TENM3: variants seen among roughly 807,000 people sequenced by gnomAD.
TENM3 encodes the protein teneurin transmembrane protein 3, also known as teneurin-3.
A neutral mutation model predicts 255.1 loss-of-function variants in TENM3; 63 were observed. The observed-to-expected ratio is 0.25, with a 90% CI of 0.20 to 0.30. TENM3 has a LOEUF of 0.30. Among genes scored for constraint, TENM3 ranks in the 10% least tolerant of loss-of-function variants. TENM3 has a pLI of 1.00. For synonymous variants in TENM3, 1,306 were observed against 1,322.3 expected, an observed-to-expected ratio of 0.99 and a Z score of 0.27; for missense variants, 2,929 against 3,461.1, an observed-to-expected ratio of 0.85 and a Z score of 3.86.
chr4:181,515,736 A>G, the TENM3 span, among the ~76,000 whole-genome samples: 2 of 152,194 alleles, frequency 1.3e-5, no homozygotes, highest in Non-Finnish European at 2.9e-5. Flanking sequence ...CTGCATCTCC[A>G]TTACCTCCTC....
Position 182,688,357 on chromosome 4 carries a change from C to A in TENM3, c.2221+6C>A. Reference sequence around the variant, plus strand: ...TGGAGAGCACTGCACTATCGGTAGGCTTACTGCAAGTCTGTGTCTGTCCCC... The same window carrying A: ...TGGAGAGCACTGCACTATCGGTAGGATTACTGCAAGTCTGTGTCTGTCCCC... On this transcript the variant is annotated splice_donor_region_variant and intron_variant, in intron 12 of 27. Coordinates refer to ENST00000511685, the MANE Select transcript of TENM3 (RefSeq NM_001080477.4). The A allele has an allele frequency of 6.3e-7, 1 of 1,583,444 alleles. No individual in the cohort carries two copies. The highest frequency in any genetic ancestry group is 8.6e-7 in the Non-Finnish European group (1 of 1,161,534).
At chr4:182,223,645 A>G (rs1469221696) in intron 1 of TENM3, among the ~76,000 whole-genome samples, 2 of 152,170 alleles carry the variant, frequency 1.3e-5, no homozygotes. Flanking sequence ...ACTGAGGCTC[A>G]GAGACATTAA....
At chr4:181,895,532 A>AT in the TENM3 span, among the ~76,000 whole-genome samples, 43 of 41,488 alleles carry the variant, frequency 1.0e-3, 2 homozygotes, top group African/African-American at 2.8e-3. Flanking sequence ...TATCTGGCTG[A>AT]TTTTTTTTTT....
intron 1 of TENM3, among the ~76,000 whole-genome samples, chr4:182,149,855 C>T (rs1750219159): frequency 6.6e-6 from 1 of 151,820 alleles, no homozygotes; most frequent in Non-Finnish European, 1.5e-5. Flanking sequence ...ACTATTTGAC[C>T]CACATTCATA....
At chr4:182,728,040 G>A (rs1263740715) in intron 13 of TENM3, among the ~76,000 whole-genome samples, 1 of 151,764 alleles carries the variant, frequency 6.6e-6, no homozygotes, top group African/African-American at 2.4e-5. Context: ...TTAGAGATGG[G>A]GTTTCACCAT....
the TENM3 span, among the ~76,000 whole-genome samples, chr4:181,702,304 A>T: frequency 0.027 from 4,039 of 152,280 alleles, 184 homozygotes; most frequent in African/African-American, 0.092. Flanking sequence ...CTTTGCTATT[A>T]CGATACATAA....
chr4:182,445,616 T>A (rs1027371166), intron 3 of TENM3, among the ~76,000 whole-genome samples: 4 of 152,256 alleles, frequency 2.6e-5, no homozygotes, highest in Admixed American at 2.0e-4. Context: ...TTTTTATTTT[T>A]TTTTTTAAAT....
rs757218648 is a variant in TENM3, at chr4:182,738,543, C to T, written c.3378C>T (p.Asn1126=). ...AACATCACGTGCTGGATGTACAGAA[C>T]GGTAAGCTCTTGTTCATAGATAACT... The part of the protein sequence containing the change: ...LDKHHVLDVQ[N]GILYKGNGEN... The change falls in exon 18 of 28, where the codon AAC becomes AAT. Residue 1126 remains asparagine, a splice_region_variant and synonymous_variant. Transcript: ENST00000511685. 1.7e-5 allele frequency: 28 copies of T among 1,608,294 alleles called. No individual in the cohort carries two copies. The highest frequency in any genetic ancestry group is 5.1e-5 in the Admixed American group (3 of 59,130).
chr4:181,627,008 G>C, the TENM3 span, among the ~76,000 whole-genome samples: 1 of 152,174 alleles, frequency 6.6e-6, no homozygotes, highest in East Asian at 1.9e-4. Context: ...TGTGGGGTGA[G>C]TGGAAGACAA....
At chr4:182,544,471 C>T (rs1392583297) in intron 3 of TENM3, among the ~76,000 whole-genome samples, 1 of 151,720 alleles carries the variant, frequency 6.6e-6, no homozygotes, top group Non-Finnish European at 1.5e-5. Context: ...GCCGGGATTA[C>T]AGGGGCCCAC....
intron 3 of TENM3, among the ~76,000 whole-genome samples, chr4:182,510,929 A>G (rs757563147): frequency 6.6e-6 from 1 of 152,190 alleles, no homozygotes; most frequent in Non-Finnish European, 1.5e-5. Context: ...ATTTCTCAGG[A>G]TGGTTTGTAG....
chr4:182,746,523 A>G (rs1380353819), intron 19 of TENM3, among the ~76,000 whole-genome samples: 1 of 152,092 alleles, frequency 6.6e-6, no homozygotes, highest in African/African-American at 2.4e-5. Context: ...AAGGCAGGGG[A>G]GGGTCAGATT....
At chr4:182,716,199 T>C (rs1393407119) in intron 13 of TENM3, among the ~76,000 whole-genome samples, 1 of 152,184 alleles carries the variant, frequency 6.6e-6, no homozygotes, top group Non-Finnish European at 1.5e-5. Flanking sequence ...ATAGTTCAGA[T>C]TTTGCTTCTA....
At chr4:182,195,468 G>A (rs1007212512) in intron 1 of TENM3, among the ~76,000 whole-genome samples, 7 of 151,938 alleles carry the variant, frequency 4.6e-5, no homozygotes, top group South Asian at 4.1e-4. Flanking sequence ...GCAAGAGCTC[G>A]CCTCTACAAA....
the TENM3 span, among the ~76,000 whole-genome samples, chr4:182,073,509 GA>G: frequency 6.6e-6 from 1 of 152,178 alleles, no homozygotes; most frequent in Non-Finnish European, 1.5e-5. Context: ...AGAACTGTGA[GA>G]AAATACATTT....
chr4:181,711,379 G>C, the TENM3 span, among the ~76,000 whole-genome samples: 1 of 152,156 alleles, frequency 6.6e-6, no homozygotes, highest in Non-Finnish European at 1.5e-5. Flanking sequence ...TGAAAAGATA[G>C]AGTGAGTCAG....
In TENM3 at chr4:182,175,310, A is replaced by T. The variant is rs1446381506; in HGVS notation, c.-76+30556A>T. 4.4e-3 allele frequency among the ~76,000 whole-genome samples: 346 copies of T among 78,996 alleles called. 1 individual carries two copies. Among genetic ancestry groups the T allele is most frequent in the African/African-American group, 0.012 (304 of 24,512 alleles). 51.8% of individuals were successfully genotyped at this position (78,996 alleles called of 152,430 possible). Reference sequence around the variant, plus strand: ...CCTCTGCTCTGCTTCATTAAAAAAAAAAAAATATATATATATATATATATA... The same window carrying T: ...CCTCTGCTCTGCTTCATTAAAAAAATAAAAATATATATATATATATATATA... On this transcript the variant is annotated intron_variant, in intron 1 of 2. Coordinates refer to the TENM3 transcript ENST00000512480.
Position 182,377,436 on chromosome 4 carries a change from T to C in TENM3, c.511+30507T>C, listed in dbSNP as rs140472781. On this transcript the variant is annotated intron_variant, in intron 3 of 27. Transcript: ENST00000511685. ...TCAAGCGATTCTCGTGCCTCAGCCT[T>C]GCGAATAGCTGGTATTATAGGCATC... Among the ~76,000 whole-genome samples the C allele has an allele frequency of 9.9e-3, 1,506 of 152,178 alleles. 27 individuals are homozygous for C. The highest frequency in any genetic ancestry group is 0.066 in the East Asian group (340 of 5,150).
chr4:181,813,514 G>A, the TENM3 span, among the ~76,000 whole-genome samples: 1 of 152,158 alleles, frequency 6.6e-6, no homozygotes, highest in Non-Finnish European at 1.5e-5. Flanking sequence ...CTTAAATAAA[G>A]GTGGTTTGTA....
Sources: gnomAD v4.1 joint callset for allele counts (sites outside exome capture counted in the v4.1 genomes callset) on GRCh38, gnomAD v4.1.1 for gene constraint, MANE v1.5 for transcripts, NCBI Gene and HGNC (gene_info 2026-07-23, HGNC 2026-07-21) for gene names.